Variants in DHRS12 observed in about 807,000 individuals in gnomAD.
DHRS12 encodes the protein dehydrogenase/reductase SDR family member 12.
DHRS12 carries 29 observed loss-of-function variants against 32.1 expected under a neutral mutation model. The observed-to-expected ratio is 0.90, with a 90% CI of 0.67 to 1.23. The LOEUF is 1.23. DHRS12 is among the 50% of genes most tolerant of loss of function. The probability of loss-of-function intolerance (pLI) is 0.00; values close to 1 mark genes in which losing one functional copy is unlikely to be tolerated. For synonymous variants in DHRS12, 150 were observed against 135.9 expected, an observed-to-expected ratio of 1.10 and a Z score of -0.72; for missense variants, 330 against 337.2, an observed-to-expected ratio of 0.98 and a Z score of 0.17.
intron 4 of DHRS12, among the ~76,000 whole-genome samples, chr13:51,780,256 T>C (rs774917089): frequency 2.6e-5 from 4 of 152,216 alleles, no homozygotes; most frequent in Non-Finnish European, 4.4e-5. Flanking sequence ...AAATGGTTAA[T>C]GGGTGCTTTT....
the DHRS12 span, among the ~76,000 whole-genome samples, chr13:51,758,795 C>T: frequency 6.6e-6 from 1 of 152,116 alleles, no homozygotes; most frequent in Non-Finnish European, 1.5e-5. Flanking sequence ...GCTCTACCTC[C>T]CTGACCCATT....
At chr13:51,758,343 A>C in the DHRS12 span, 4 of 1,432,874 alleles carry the variant, frequency 2.8e-6, no homozygotes, top group Non-Finnish European at 3.9e-6. Context: ...CTTTGGCCTC[A>C]TATAAATATA....
chr13:51,774,394 CCTA>C (rs1245201494), intron 5 of DHRS12: 1 of 146,094 alleles, frequency 6.8e-6, no homozygotes, highest in East Asian at 2.1e-4. Context: ...ACAGTATTCT[CCTA>C]CATGTATTCT....
downstream of DHRS12, chr13:51,767,765 C>T: frequency 6.1e-6 from 1 of 164,610 alleles, no homozygotes; most frequent in South Asian, 9.4e-5. Context: ...AGGCAGTGTC[C>T]AGCCCTCTCC....
At position 51,769,264 on chromosome 13, in the gene DHRS12, C is replaced by T. The variant is rs143366927; in HGVS notation, c.589G>A (p.Ala197Thr). 18 of 1,583,450 alleles carry T rather than the reference C, an allele frequency of 1.1e-5. No homozygotes were observed. Among genetic ancestry groups the T allele is most frequent in the African/African-American group, 1.1e-4 (8 of 74,138 alleles). Residue 197 changes from alanine to threonine, a missense_variant, in exon 8 of 9, where the codon GCC (alanine) becomes ACC (threonine). Coordinates refer to ENST00000444610, the MANE Select transcript of DHRS12 (RefSeq NM_001377533.1). ...GVRQAMPGFH[A>T]RFGDRLRSEA... ...GAGCGCAGGCGGTCCCCGAACCTGG[C>T]GTGGAACCCCGGCATCGCCTGCCTC...
intron 6 of DHRS12, chr13:51,772,734 A>C (rs1954088825): frequency 1.0e-6 from 1 of 985,314 alleles, no homozygotes; most frequent in Non-Finnish European, 1.2e-6. Context: ...GGGTAGTTTG[A>C]TCATGCTTGG....
intron 4 of DHRS12, among the ~76,000 whole-genome samples, chr13:51,788,430 A>G (rs913800317): frequency 6.6e-6 from 1 of 152,138 alleles, no homozygotes; most frequent in Non-Finnish European, 1.5e-5. Flanking sequence ...CAACCTCATC[A>G]CTGGGGAGAA....
chr13:51,803,833 G>A (rs1171847599), intron 1 of DHRS12: 3 of 369,886 alleles, frequency 8.1e-6, no homozygotes, highest in Non-Finnish European at 1.4e-5. Context: ...CCCCTCGGGC[G>A]CCAGTCTCGG....
chr13:51,778,103 T>G (rs911077425), intron 4 of DHRS12, among the ~76,000 whole-genome samples: 4 of 152,224 alleles, frequency 2.6e-5, no homozygotes, highest in Non-Finnish European at 4.4e-5. Context: ...GGAAGGGTCC[T>G]GGAGGTGGAT....
the DHRS12 span, among the ~76,000 whole-genome samples, chr13:51,757,461 A>AG: frequency 6.6e-6 from 1 of 151,672 alleles, no homozygotes; most frequent in Non-Finnish European, 1.5e-5. Context: ...AAAAAGGAAA[A>AG]AAAAAAATTG....
chr13:51,790,841 T>C (rs1033636685), intron 3 of DHRS12, among the ~76,000 whole-genome samples: 2 of 152,182 alleles, frequency 1.3e-5, no homozygotes, highest in Non-Finnish European at 2.9e-5. Context: ...AAAAAGAGCT[T>C]CTAATTTCAA....
In DHRS12 at chr13:51,782,632, C is replaced by T. The variant is rs9563071; in HGVS notation, c.302-5511G>A. Among the ~76,000 whole-genome samples the T allele has an allele frequency of 6.6e-6, 1 of 151,892 alleles. No individual in the cohort carries two copies. Among genetic ancestry groups the T allele is most frequent in the Admixed American group, 6.5e-5 (1 of 15,272 alleles). On this transcript the variant is annotated intron_variant, in intron 4 of 8. Coordinates refer to ENST00000444610, the MANE Select transcript of DHRS12 (RefSeq NM_001377533.1). This position sits in a 1 kb window ranked among gnomAD's most constrained non-coding sequence, Gnocchi z 4.2. The stretch of plus-strand genomic sequence containing the variant: ...AGAGGCTGGTGGAGGAAGTGCTGTG[C>T]AGGCTTTTCTCCAGGGCCTAGCCAG...
chr13:51,796,565 C>T (rs1955520408), intron 2 of DHRS12, among the ~76,000 whole-genome samples: 1 of 152,152 alleles, frequency 6.6e-6, no homozygotes, highest in African/African-American at 2.4e-5. Context: ...AGATATAAGC[C>T]AAACAGATCC....
At chr13:51,788,194 T>C (rs1391446344) in intron 4 of DHRS12, among the ~76,000 whole-genome samples, 1 of 151,980 alleles carries the variant, frequency 6.6e-6, no homozygotes, top group Non-Finnish European at 1.5e-5. Flanking sequence ...CTGCAAATTA[T>C]GTAACCAGTC....
chr13:51,799,971 TG>T (rs1448676395), intron 1 of DHRS12, among the ~76,000 whole-genome samples: 3 of 152,212 alleles, frequency 2.0e-5, no homozygotes, highest in African/African-American at 4.8e-5. Context: ...AAAAATCCCT[TG>T]ACAGATGAAT....
chr13:51,773,091 T>A (rs762159085), intron 6 of DHRS12: 8 of 980,886 alleles, frequency 8.2e-6, no homozygotes, highest in Non-Finnish European at 9.7e-6. Flanking sequence ...ATATCCGGCT[T>A]TTAAATATAG....
At chr13:51,756,456 A>G in the DHRS12 span, 1 of 1,613,604 alleles carries the variant, frequency 6.2e-7, no homozygotes, top group Admixed American at 1.7e-5. Context: ...GCCATCACAG[A>G]TGAAGAGTAA....
intron 7 of DHRS12, chr13:51,771,491 CCTGT>C: frequency 6.2e-7 from 1 of 1,614,140 alleles, no homozygotes; most frequent in Non-Finnish European, 8.5e-7. Context: ...CCTGCTCATT[CCTGT>C]CTGACGTGGA....
the DHRS12 span, chr13:51,760,680 C>G: frequency 1.3e-5 from 2 of 152,226 alleles, no homozygotes; most frequent in African/African-American, 4.8e-5. Context: ...ACCTTGTTGG[C>G]AGCAGGGACC....
Sources: gnomAD v4.1 joint callset for allele counts (sites outside exome capture counted in the v4.1 genomes callset) on GRCh38, gnomAD v4.1.1 for gene constraint, Gnocchi (gnomAD v3.1) non-coding constraint, MANE v1.5 for transcripts, NCBI Gene and HGNC (gene_info 2026-07-23, HGNC 2026-07-21) for gene names.